The following PCSK2 variants were observed in gnomAD, a reference collection of about 807,000 sequenced individuals.
PCSK2 encodes the protein neuroendocrine convertase 2.
In PCSK2, 14 loss-of-function variants were observed where a neutral mutation model predicts 69.7. That is an observed-to-expected ratio of 0.20 (90% confidence interval 0.13 to 0.31). The LOEUF is 0.31. Among genes scored for constraint, PCSK2 ranks in the 10% least tolerant of loss-of-function variants. PCSK2 has a pLI of 1.00. For synonymous variants in PCSK2, 307 were observed against 320.7 expected, an observed-to-expected ratio of 0.96 and a Z score of 0.46; for missense variants, 544 against 842.5, an observed-to-expected ratio of 0.65 and a Z score of 4.39.
chr20:17,334,010 C>T (rs6136070), intron 2 of PCSK2, among the ~76,000 whole-genome samples: 11,312 of 148,066 alleles, frequency 0.076, 507 homozygotes, highest in East Asian at 0.11. Context: ...CATTCTCTCA[C>T]TTCACACCTG....
At chr20:17,312,174 G>A (rs1989539196) in intron 2 of PCSK2, among the ~76,000 whole-genome samples, 1 of 152,110 alleles carries the variant, frequency 6.6e-6, no homozygotes, top group South Asian at 2.1e-4. Flanking sequence ...TATGGACTTG[G>A]AAACTTGGAA....
chr20:17,246,064 G>T lies in PCSK2; in HGVS notation c.178-14176G>T, dbSNP rs4572662. Among the ~76,000 whole-genome samples, 4 of 152,190 alleles carry T rather than the reference G, an allele frequency of 2.6e-5. No homozygotes were observed. The South Asian group carries it at 8.3e-4, about 32-fold the overall frequency. On this transcript the variant is annotated intron_variant, in intron 1 of 11. Coordinates refer to ENST00000262545, the MANE Select transcript of PCSK2 (RefSeq NM_002594.5). ...CTGATCTTTTTAATTTACTCAGCAG[G>T]TATCTATGACATGATACTCTGCACC...
At chr20:17,301,895 C>T (rs1989096375) in intron 2 of PCSK2, among the ~76,000 whole-genome samples, 1 of 152,092 alleles carries the variant, frequency 6.6e-6, no homozygotes. Flanking sequence ...CATGCCATTG[C>T]ACTTCAGCCT....
At chr20:17,417,543 G>T (rs73259783) in intron 6 of PCSK2, among the ~76,000 whole-genome samples, 1 of 152,094 alleles carries the variant, frequency 6.6e-6, no homozygotes, top group Non-Finnish European at 1.5e-5. Flanking sequence ...CACTCAAATC[G>T]CAGCTACTTT....
chr20:17,409,173 G>A, intron 5 of PCSK2, 90 bp from the exon 6 acceptor site: 1 of 947,488 alleles, frequency 1.1e-6, no homozygotes, highest in South Asian at 1.3e-5. Context: ...GCACTCCAGG[G>A]AGGACTAGAA....
intron 2 of PCSK2, among the ~76,000 whole-genome samples, chr20:17,279,815 C>T (rs1233863967): frequency 6.6e-6 from 1 of 151,650 alleles, no homozygotes; most frequent in Non-Finnish European, 1.5e-5. Context: ...AAGTGTGTGG[C>T]CCATCCACAT....
intron 1 of PCSK2, 26 bp from the exon 2 acceptor site, chr20:17,260,214 G>A: frequency 1.4e-6 from 2 of 1,458,968 alleles, no homozygotes; most frequent in Non-Finnish European, 1.9e-6. Context: ...AGCTAACTAT[G>A]CCTATGTCTA....
intron 10 of PCSK2, among the ~76,000 whole-genome samples, chr20:17,456,880 C>T (rs867715801): frequency 2.2e-4 from 33 of 152,224 alleles, no homozygotes; most frequent in African/African-American, 7.7e-4. Flanking sequence ...ACAAAGTGGT[C>T]CCACTCAAGA....
intron 1 of PCSK2, among the ~76,000 whole-genome samples, chr20:17,257,162 T>A (rs544764583): frequency 6.6e-6 from 1 of 151,676 alleles, no homozygotes; most frequent in Non-Finnish European, 1.5e-5. Flanking sequence ...CCAACAAACA[T>A]ATGAAAAAAA....
At chr20:17,261,845 A>C (rs1182620462) in intron 2 of PCSK2, among the ~76,000 whole-genome samples, 1 of 152,178 alleles carries the variant, frequency 6.6e-6, no homozygotes, top group African/African-American at 2.4e-5. Context: ...TTTTCCTTTT[A>C]GTTATGTATT....
intron 2 of PCSK2, among the ~76,000 whole-genome samples, chr20:17,263,968 T>A (rs1037587743): frequency 6.6e-6 from 1 of 152,184 alleles, no homozygotes; most frequent in South Asian, 2.1e-4. Flanking sequence ...GTAAGATTTG[T>A]TCAACATTAG....
chr20:17,412,772 A>T (rs1222534257), intron 6 of PCSK2, among the ~76,000 whole-genome samples: 7 of 152,240 alleles, frequency 4.6e-5, no homozygotes, highest in Non-Finnish European at 1.0e-4. Flanking sequence ...TGTTAAGGGT[A>T]GCCAGAGAGA....
chr20:17,268,804 G>A (rs936414592), intron 2 of PCSK2, among the ~76,000 whole-genome samples: 1 of 152,224 alleles, frequency 6.6e-6, no homozygotes, highest in African/African-American at 2.4e-5. Context: ...TCCATGCAAG[G>A]CGATTGCAAT....
intron 2 of PCSK2, among the ~76,000 whole-genome samples, chr20:17,309,823 GAGAAGAAGAAGA>G (rs71192373): frequency 6.8e-6 from 1 of 147,320 alleles, no homozygotes. Flanking sequence ...ATCAAAAGGA[GAGAAGAAGAAGA>G]AGAAGAGGAA....
chr20:17,421,452 A>G (rs1209996775), intron 6 of PCSK2, among the ~76,000 whole-genome samples: 1 of 152,174 alleles, frequency 6.6e-6, no homozygotes, highest in Non-Finnish European at 1.5e-5. Context: ...ATTAGCCAGC[A>G]AACGTGGTCG....
chr20:17,358,646 C>T (rs1395042152), intron 3 of PCSK2, among the ~76,000 whole-genome samples: 1 of 152,176 alleles, frequency 6.6e-6, no homozygotes, highest in Non-Finnish European at 1.5e-5. Flanking sequence ...CTAAGTAGCC[C>T]TTGTCTCCTA....
intron 2 of PCSK2, among the ~76,000 whole-genome samples, chr20:17,355,706 A>G (rs919358053): frequency 4.0e-5 from 6 of 150,904 alleles, no homozygotes; most frequent in African/African-American, 1.2e-4. Context: ...TGCTGCAAAA[A>G]TCTCTGACTT....
At chr20:17,452,271 C>T (rs1396839232) in intron 8 of PCSK2, among the ~76,000 whole-genome samples, 9 of 151,800 alleles carry the variant, frequency 5.9e-5, no homozygotes, top group Non-Finnish European at 1.3e-4. Context: ...CTATTTCCCT[C>T]GCTGTCCTGG....
At chr20:17,406,986 A>T (rs1009334570) in intron 5 of PCSK2, among the ~76,000 whole-genome samples, 13 of 151,828 alleles carry the variant, frequency 8.6e-5, no homozygotes, top group African/African-American at 3.1e-4. Flanking sequence ...CTCGGTGGTC[A>T]GTTCACCCAG....
Sources: gnomAD v4.1 joint callset for allele counts (sites outside exome capture counted in the v4.1 genomes callset) on GRCh38, gnomAD v4.1.1 for gene constraint, MANE v1.5 for transcripts, NCBI Gene and HGNC (gene_info 2026-07-23, HGNC 2026-07-21) for gene names.